PCDHA9: variants seen among roughly 807,000 people sequenced by gnomAD.
PCDHA9 encodes protocadherin alpha-9.
Under a neutral mutation model 62.0 loss-of-function variants are expected in PCDHA9, and 62 were observed. That is an observed-to-expected ratio of 1.00 (90% CI 0.81 to 1.23). The LOEUF is 1.23. Ranked by LOEUF, PCDHA9 falls within the 50% of genes most tolerant of loss-of-function variation. The pLI is 0.00. For missense variants in PCDHA9, 1,205 were observed against 1,249.8 expected, an observed-to-expected ratio of 0.96 and a Z score of 0.54; for synonymous variants, 557 against 567.6, an observed-to-expected ratio of 0.98 and a Z score of 0.27.
At chr5:140,962,817 G>C (rs555403742) in intron 1 of PCDHA9, among the ~76,000 whole-genome samples, 1 of 152,202 alleles carries the variant, frequency 6.6e-6, no homozygotes, top group Non-Finnish European at 1.5e-5. Flanking sequence ...CATCAGAGAT[G>C]ACCATTTGTC....
intron 1 of PCDHA9, chr5:140,966,689 G>A (rs1002366053): frequency 2.2e-6 from 3 of 1,343,650 alleles, no homozygotes; most frequent in Non-Finnish European, 2.9e-6. Context: ...GAGCGGAGGC[G>A]GGGCCCGGGC....
chr5:140,871,208 C>G, intron 1 of PCDHA9: 1 of 1,613,802 alleles, frequency 6.2e-7, no homozygotes, highest in Non-Finnish European at 8.5e-7. Context: ...CTGATCATCG[C>G]CATCTGCGTG....
chr5:140,968,789 G>C, intron 1 of PCDHA9: 5 of 1,614,180 alleles, frequency 3.1e-6, no homozygotes, highest in Non-Finnish European at 4.2e-6. Context: ...AGCCTCTGTG[G>C]CCATTACAGT....
At chr5:140,966,972 T>G (rs1554229007) in intron 1 of PCDHA9, 1 of 1,602,828 alleles carries the variant, frequency 6.2e-7, no homozygotes, top group African/African-American at 1.3e-5. Flanking sequence ...GGGCTTGAGC[T>G]GCGGCGCTTG....
At position 140,928,189 on chromosome 5, in the gene PCDHA9, G is replaced by GTGA. The variant is rs1321549982; in HGVS notation, c.2395-50758_2395-50757insATG. On this transcript the variant is annotated intron_variant, in intron 1 of 3. Transcript: ENST00000532602. The stretch of plus-strand genomic sequence containing the variant: ...ACTTAGCACCCGAAGGACAATCACT[G>GTGA]TGTCAGTTGCTGATGTGAATGACAA... 5 of 1,614,096 alleles carry GTGA rather than the reference G, an allele frequency of 3.1e-6. No homozygotes were observed. In the East Asian group the frequency reaches 8.9e-5, roughly 29 times the overall value.
At chr5:140,882,854 C>G in intron 1 of PCDHA9, 2 of 1,614,196 alleles carry the variant, frequency 1.2e-6, no homozygotes, top group Non-Finnish European at 1.7e-6. Flanking sequence ...ATCACTTGTA[C>G]TGAGGAAAAC....
intron 1 of PCDHA9, among the ~76,000 whole-genome samples, chr5:140,916,660 T>A (rs2077673786): frequency 6.6e-6 from 1 of 152,172 alleles, no homozygotes; most frequent in African/African-American, 2.4e-5. Flanking sequence ...GTATCCAAGA[T>A]GCAAGACAAA....
At chr5:140,958,078 G>A (rs1447110228) in intron 1 of PCDHA9, among the ~76,000 whole-genome samples, 1 of 152,064 alleles carries the variant, frequency 6.6e-6, no homozygotes, top group Admixed American at 6.6e-5. Flanking sequence ...GAAGCAAAAA[G>A]TAAAGTTGTA....
chr5:140,981,862 T>C (rs1160188291), intron 2 of PCDHA9, among the ~76,000 whole-genome samples: 1 of 152,212 alleles, frequency 6.6e-6, no homozygotes, highest in African/African-American at 2.4e-5. Flanking sequence ...CTCCCAGCAA[T>C]GTTTTATGCT....
chr5:140,909,970 G>A (rs76359002), intron 1 of PCDHA9, among the ~76,000 whole-genome samples: 2,125 of 152,312 alleles, frequency 0.014, 45 homozygotes, highest in African/African-American at 0.049. Flanking sequence ...CATGGGGAAG[G>A]ATGGGAGAAA....
In PCDHA9 at chr5:140,936,771, C is replaced by A. The variant is rs182480245; in HGVS notation, c.2395-42178C>A. Among the ~76,000 whole-genome samples, 20 of 152,230 alleles carry A rather than the reference C, an allele frequency of 1.3e-4. No individual in the cohort carries two copies. In the East Asian group the frequency reaches 3.5e-3, roughly 26 times the overall value. On this transcript the variant is annotated intron_variant, in intron 1 of 3. Coordinates refer to ENST00000532602, the MANE Select transcript of PCDHA9 (RefSeq NM_031857.2). ...GTATTGATATCTAATTGTGTAAGTT[C>A]TCTCACTTTGTTATTCTGCTTCAAG...
intron 1 of PCDHA9, among the ~76,000 whole-genome samples, chr5:140,960,080 A>G: frequency 6.6e-6 from 1 of 152,360 alleles, no homozygotes; most frequent in South Asian, 2.1e-4. Context: ...GAAGTTTCTA[A>G]AAGAGAAAGA....
Position 141,010,486 on chromosome 5 carries a change from A to C in PCDHA9, c.*549A>C. 1 of 674,072 alleles carries C rather than the reference A, an allele frequency of 1.5e-6. No individual in the cohort carries two copies. Among genetic ancestry groups the C allele is most frequent in the Non-Finnish European group, 2.3e-6 (1 of 434,544 alleles). The allele number at this position is 674,072 out of a possible 1,614,324, so 41.8% of individuals were successfully genotyped here. On this transcript the variant is annotated 3_prime_UTR_variant, in exon 4 of 4. Transcript: ENST00000532602. ...GTATGGAGGGGAAGTGTAAACTTAAAGGGACCAGACTTTCTAAATCTTACA... is the reference window on the plus strand; with the variant it reads ...GTATGGAGGGGAAGTGTAAACTTAACGGGACCAGACTTTCTAAATCTTACA...
intron 1 of PCDHA9, chr5:140,871,468 G>C (rs781821721): frequency 6.2e-7 from 1 of 1,602,172 alleles, no homozygotes; most frequent in East Asian, 2.2e-5. Context: ...GGAAAGACAG[G>C]AGCCAGGGTC....
chr5:140,865,816 A>G (rs1554159628), intron 1 of PCDHA9: 1 of 152,168 alleles, frequency 6.6e-6, no homozygotes, highest in East Asian at 1.9e-4. Context: ...TTTATCCACT[A>G]TAATGTAGAG....
intron 1 of PCDHA9, chr5:140,870,016 G>T (rs1554163708): frequency 6.2e-7 from 1 of 1,613,566 alleles, no homozygotes; most frequent in African/African-American, 1.3e-5. Flanking sequence ...GAGGGTCAAT[G>T]GAACTTTAGA....
intron 3 of PCDHA9, among the ~76,000 whole-genome samples, chr5:140,984,456 C>T (rs545706582): frequency 8.5e-5 from 13 of 152,286 alleles, no homozygotes; most frequent in African/African-American, 3.1e-4. Context: ...TTCTTACTGT[C>T]CCAGCCCCTC....
intron 1 of PCDHA9, among the ~76,000 whole-genome samples, chr5:140,945,351 A>C (rs1368185977): frequency 6.6e-6 from 1 of 152,138 alleles, no homozygotes; most frequent in Admixed American, 6.5e-5. Flanking sequence ...GGAAAAATTA[A>C]TACTGTTTAA....
intron 3 of PCDHA9, among the ~76,000 whole-genome samples, chr5:140,985,949 C>T (rs1195801055): frequency 2.6e-5 from 4 of 152,032 alleles, no homozygotes; most frequent in African/African-American, 9.7e-5. Context: ...CTGTGTTAGC[C>T]AGGATGGTCT....
Sources: gnomAD v4.1 joint callset for allele counts (sites outside exome capture counted in the v4.1 genomes callset) on GRCh38, gnomAD v4.1.1 for gene constraint, MANE v1.5 for transcripts, NCBI Gene and HGNC (gene_info 2026-07-23, HGNC 2026-07-21) for gene names.